Variants in CDNF observed in about 807,000 individuals in gnomAD.
The protein encoded by CDNF is cerebral dopamine neurotrophic factor.
CDNF carries 9 observed loss-of-function variants against 14.8 expected under a neutral mutation model. The ratio of observed to expected loss-of-function variants is 0.61; its 90% CI spans 0.37 to 1.06. The LOEUF (loss-of-function observed/expected upper bound fraction) is 1.06, where lower values mean the gene tolerates loss of function less well. Ranked by LOEUF, CDNF falls within the 50% of genes least tolerant of loss-of-function variation. The pLI is 0.01. For missense variants in CDNF, 228 were observed against 228.4 expected (o/e 1.00, Z 0.01); for synonymous variants, 86 against 87.2 (o/e 0.99, Z 0.07).
chr10:14,836,652 C>A (rs1040251590), intron 1 of CDNF, among the ~76,000 whole-genome samples: 5 of 152,250 alleles, frequency 3.3e-5, no homozygotes, highest in African/African-American at 9.6e-5. Flanking sequence ...ACTTTAAGGA[C>A]TGGGCGCTGT....
chr10:14,825,510 C>T lies in CDNF; in HGVS notation c.354G>A (p.Lys118=). The change falls in exon 3 of 4, where the codon AAG becomes AAA. Residue 118 remains lysine, a synonymous_variant. Coordinates refer to ENST00000465530, the MANE Select transcript of CDNF (RefSeq NM_001029954.3). ...PAMKICEKLK[K]LDSQICELKY... ...TCAGCTCACAGATCTGGCTATCCAA[C>T]TTCTTCAGCTTCTCACAAATCTTCA... 1 of 1,614,138 alleles carries T rather than the reference C, an allele frequency of 6.2e-7. No individual in the cohort carries two copies.
chr10:14,828,666 C>T (rs1314430931), intron 1 of CDNF, among the ~76,000 whole-genome samples: 1 of 150,602 alleles, frequency 6.6e-6, no homozygotes, highest in Admixed American at 6.6e-5. Context: ...AAAGAAACGT[C>T]CATATGAGTC....
chr10:14,830,772 G>C (rs1339738280), intron 1 of CDNF, among the ~76,000 whole-genome samples: 1 of 149,610 alleles, frequency 6.7e-6, no homozygotes, highest in Non-Finnish European at 1.5e-5. Flanking sequence ...CTTGAACCCG[G>C]GAGGCGGAGG....
At chr10:14,829,555 C>G (rs931784342) in intron 1 of CDNF, among the ~76,000 whole-genome samples, 1 of 152,164 alleles carries the variant, frequency 6.6e-6, no homozygotes, top group Non-Finnish European at 1.5e-5. Context: ...TTTTTTATAT[C>G]TTTAAACACA....
At chr10:14,835,287 G>GAGAGA (rs1463534728) in intron 1 of CDNF, among the ~76,000 whole-genome samples, 3 of 152,302 alleles carry the variant, frequency 2.0e-5, no homozygotes, top group African/African-American at 4.8e-5. Flanking sequence ...AGACTGAGAA[G>GAGAGA]AGAGAAGAGA....
At chr10:14,826,182 AAGCAGAAGC>A (rs1444210428) in intron 2 of CDNF, among the ~76,000 whole-genome samples, 1 of 129,830 alleles carries the variant, frequency 7.7e-6, no homozygotes, top group Non-Finnish European at 1.6e-5. Flanking sequence ...GCAGCAGCAG[AAGCAGAAGC>A]AGCAGAAGAA....
At chr10:14,833,198 G>C (rs781629472) in intron 1 of CDNF, among the ~76,000 whole-genome samples, 5 of 152,078 alleles carry the variant, frequency 3.3e-5, no homozygotes, top group Non-Finnish European at 7.4e-5. Context: ...GATGCTTCTA[G>C]ACGTCTGTGA....
At chr10:14,820,220 C>T in intron 3 of CDNF, 62 bp from the exon 4 acceptor site, 1 of 1,544,774 alleles carries the variant, frequency 6.5e-7, no homozygotes, top group Non-Finnish European at 8.8e-7. Context: ...CCCTATGAAT[C>T]ACTTCAAAAG....
chr10:14,826,095 A>AGC (rs1833784139), intron 2 of CDNF, among the ~76,000 whole-genome samples: 57 of 87,584 alleles, frequency 6.5e-4, no homozygotes, highest in Non-Finnish European at 1.1e-3. Context: ...GAAGAAGAAG[A>AGC]AGCAGCAGCA....
chr10:14,825,364 G>C, intron 3 of CDNF, 115 bp downstream of exon 3: 1 of 1,019,022 alleles, frequency 9.8e-7, no homozygotes. Flanking sequence ...GCAACTTATT[G>C]ATGAGTGGTG....
At chr10:14,827,002 G>A (rs1199642164) in intron 2 of CDNF, among the ~76,000 whole-genome samples, 5 of 136,796 alleles carry the variant, frequency 3.7e-5, no homozygotes, top group Non-Finnish European at 1.5e-5. Flanking sequence ...AATCACTTGA[G>A]CTCAGGAGTT....
intron 2 of CDNF, among the ~76,000 whole-genome samples, chr10:14,826,049 GA>G (rs1564313334): frequency 4.0e-5 from 5 of 124,582 alleles, no homozygotes; most frequent in Non-Finnish European, 6.5e-5. Context: ...AGAAGAAGAA[GA>G]AGAAGAAGAA....
intron 3 of CDNF, among the ~76,000 whole-genome samples, chr10:14,822,878 A>T (rs181432094): frequency 4.5e-4 from 68 of 152,306 alleles, no homozygotes; most frequent in Non-Finnish European, 1.5e-5. Context: ...GCTCCAGAAA[A>T]CCCTTAAATT....
intron 2 of CDNF, among the ~76,000 whole-genome samples, chr10:14,826,140 AAGG>A (rs1564313544): frequency 6.9e-6 from 1 of 144,812 alleles, no homozygotes. Flanking sequence ...GGAGAAGGAG[AAGG>A]AGAAGGAGAA....
At chr10:14,826,393 G>GAAGCAGCAGCAGCAGAAGAAGAAGCAA (rs1833794271) in intron 2 of CDNF, among the ~76,000 whole-genome samples, 1 of 151,356 alleles carries the variant, frequency 6.6e-6, no homozygotes, top group East Asian at 1.9e-4. Context: ...AGAAGAAGCA[G>GAAGCAGCAGCAGCAGAAGAAGAAGCAA]AAGAAGCAGC....
At position 14,828,150 on chromosome 10, in the gene CDNF, G is replaced by A. The variant is rs763996240; in HGVS notation, c.238C>T (p.Arg80Cys). 137 of 1,613,624 alleles carry A rather than the reference G, an allele frequency of 8.5e-5. No homozygotes were observed. The highest frequency in any genetic ancestry group is 1.1e-4 in the Non-Finnish European group (127 of 1,179,820). The part of the protein sequence containing the change: ...FCLDTKGKEN[R>C]LCYYLGATKD... ...AAAGGTGAAATTTACTATACCAGGC[G>A]GTTTTCTTTTCCTTTGGTGTCCAAG... Residue 80 changes from arginine to cysteine, a missense_variant, in exon 2 of 4, where the codon CGC becomes TGC. Physicochemically the swap from Arg to Cys is radical, Grantham distance 180 (BLOSUM62 -3). Coordinates refer to ENST00000465530, the MANE Select transcript of CDNF (RefSeq NM_001029954.3).
Position 14,819,887 on chromosome 10 carries a change from A to T in CDNF, c.*93T>A. 1 of 1,247,314 alleles carries T rather than the reference A, an allele frequency of 8.0e-7. No homozygotes were observed. The allele number at this position is 1,247,314 out of a possible 1,614,324, so 77.3% of individuals were successfully genotyped here. ...CACAAAAAGCATGAGACCAAATATG[A>T]TGCATTCCCAGTTATCCTTAATCAA... On this transcript the variant is annotated 3_prime_UTR_variant, in exon 4 of 4. Coordinates refer to ENST00000465530, the MANE Select transcript of CDNF (RefSeq NM_001029954.3).
intron 1 of CDNF, among the ~76,000 whole-genome samples, chr10:14,832,669 A>G (rs1833853361): frequency 6.6e-6 from 1 of 152,094 alleles, no homozygotes; most frequent in Non-Finnish European, 1.5e-5. Context: ...GGAAGAGCCA[A>G]AAGAATTTAC....
intron 3 of CDNF, among the ~76,000 whole-genome samples, chr10:14,821,298 T>C (rs1042032045): frequency 6.6e-6 from 1 of 152,078 alleles, no homozygotes; most frequent in African/African-American, 2.4e-5. Context: ...CTAATTTTTG[T>C]ATTTTAGTAG....
Sources: allele counts gnomAD v4.1 joint callset (sites outside exome capture counted in the v4.1 genomes callset), GRCh38; gene constraint gnomAD v4.1.1; transcripts MANE v1.5; gene names NCBI Gene and HGNC (gene_info 2026-07-23, HGNC 2026-07-21).